The following TMEM132D variants were observed in gnomAD, a reference collection of about 807,000 sequenced individuals.
TMEM132D encodes the protein mature OL transmembrane protein.
TMEM132D carries 21 observed loss-of-function variants against 62.3 expected under a neutral mutation model. The ratio of observed to expected loss-of-function variants is 0.34; its 90% CI spans 0.24 to 0.49. TMEM132D has a LOEUF of 0.49. Among genes scored for constraint, TMEM132D ranks in the 20% least tolerant of loss-of-function variants. TMEM132D has a pLI of 0.99. For synonymous variants in TMEM132D, 621 were observed against 575.6 expected (o/e 1.08, Z -1.13); for missense variants, 1,346 against 1,402.8 (o/e 0.96, Z 0.65).
chr12:129,773,093 T>C (rs1042664467), intron 1 of TMEM132D, among the ~76,000 whole-genome samples: 3 of 152,222 alleles, frequency 2.0e-5, no homozygotes, highest in Non-Finnish European at 4.4e-5. Flanking sequence ...CAGCCACTCC[T>C]GGGTATGCAA....
At chr12:129,765,972 C>G (rs1305184935) in intron 1 of TMEM132D, among the ~76,000 whole-genome samples, 1 of 152,184 alleles carries the variant, frequency 6.6e-6, no homozygotes, top group Non-Finnish European at 1.5e-5. Context: ...TAGAACTGCA[C>G]TTCCTGATTT....
chr12:129,741,413 A>G (rs1013205311), intron 1 of TMEM132D, among the ~76,000 whole-genome samples: 11 of 152,222 alleles, frequency 7.2e-5, no homozygotes, highest in Admixed American at 7.2e-4. Flanking sequence ...TGTAGAAGCT[A>G]TTATTATAGA....
At chr12:129,774,924 A>G (rs1211503811) in intron 1 of TMEM132D, among the ~76,000 whole-genome samples, 1 of 152,198 alleles carries the variant, frequency 6.6e-6, no homozygotes. Flanking sequence ...GGAGATGATG[A>G]CAGCACCAAC....
At chr12:129,607,640 T>C (rs995772320) in intron 2 of TMEM132D, among the ~76,000 whole-genome samples, 2 of 152,232 alleles carry the variant, frequency 1.3e-5, no homozygotes, top group South Asian at 2.1e-4. Context: ...AGCCTTTTTC[T>C]GGTGCAGTTA....
intron 3 of TMEM132D, among the ~76,000 whole-genome samples, chr12:129,500,375 C>A (rs1019554183): frequency 6.6e-6 from 1 of 152,190 alleles, no homozygotes; most frequent in African/African-American, 2.4e-5. Flanking sequence ...ATTCACCTGA[C>A]CTCATCTGTA....
At chr12:129,519,209 C>G (rs995425484) in intron 3 of TMEM132D, among the ~76,000 whole-genome samples, 1 of 152,124 alleles carries the variant, frequency 6.6e-6, no homozygotes, top group South Asian at 2.1e-4. Flanking sequence ...CTTTATTTTT[C>G]CTACCCTGGA....
intron 3 of TMEM132D, among the ~76,000 whole-genome samples, chr12:129,487,513 G>T (rs1471973598): frequency 6.6e-6 from 1 of 152,152 alleles, no homozygotes; most frequent in African/African-American, 2.4e-5. Flanking sequence ...GGACGGCAGT[G>T]CCTGGAACTT....
chr12:129,472,908 G>A (rs918238002), intron 3 of TMEM132D, among the ~76,000 whole-genome samples: 2 of 151,164 alleles, frequency 1.3e-5, no homozygotes, highest in Non-Finnish European at 2.9e-5. Flanking sequence ...TTTCACTCTT[G>A]TTGCCCAGCG....
At position 129,903,341 on chromosome 12, in the gene TMEM132D, C is replaced by T; in HGVS notation, c.-2G>A. ...CGTCCCCATCTCAGACGGGCACATCCTGGAGACCCGGAGCGCAGATCCTCC... is the reference window on the plus strand; with the variant it reads ...CGTCCCCATCTCAGACGGGCACATCTTGGAGACCCGGAGCGCAGATCCTCC... On this transcript the variant is annotated 5_prime_UTR_variant, in exon 1 of 9. Transcript: ENST00000422113. This position sits in a 1 kb window ranked among gnomAD's most constrained non-coding sequence, Gnocchi z 6.2. The T allele has an allele frequency of 6.4e-7, 1 of 1,552,064 alleles. No individual in the cohort carries two copies. Among genetic ancestry groups the T allele is most frequent in the South Asian group, 1.2e-5 (1 of 84,086 alleles).
intron 3 of TMEM132D, among the ~76,000 whole-genome samples, chr12:129,444,611 C>G (rs965583258): frequency 6.6e-6 from 1 of 152,162 alleles, no homozygotes; most frequent in Non-Finnish European, 1.5e-5. Context: ...TGCTCTCCCC[C>G]TCCCCACCCT....
rs186991243 is a variant in TMEM132D at position 129,845,992 on chromosome 12, G to A, written c.79+57269C>T. 3.9e-4 allele frequency among the ~76,000 whole-genome samples: 59 copies of A among 152,332 alleles called. 1 individual carries two copies. Among genetic ancestry groups the A allele is most frequent in the African/African-American group, 1.0e-3 (43 of 41,582 alleles). ...GTAGTAACTTCCAGGTCATTGGGTC[G>A]TTGCCATGGAAAGGGGAGGCAGCTT... On this transcript the variant is annotated intron_variant, in intron 1 of 8. Coordinates refer to ENST00000422113, the MANE Select transcript of TMEM132D (RefSeq NM_133448.3).
chr12:129,903,514 G>A lies in TMEM132D; in HGVS notation c.-175C>T, dbSNP rs1249957043. On this transcript the variant is annotated 5_prime_UTR_variant, in exon 1 of 9. Coordinates refer to ENST00000422113, the MANE Select transcript of TMEM132D (RefSeq NM_133448.3). This position sits in a 1 kb window ranked among gnomAD's most constrained non-coding sequence, Gnocchi z 6.2. ...TCCCGCCAGTCCATGGCCAGGCCGG[G>A]AGGCGACGACCGCGCGGGCTCCTGA... The A allele has an allele frequency of 1.4e-5, 9 of 640,612 alleles. No homozygotes were observed. The highest frequency in any genetic ancestry group is 2.2e-5 in the Non-Finnish European group (8 of 371,846). The allele number at this position is 640,612 out of a possible 1,614,324, so 39.7% of individuals were successfully genotyped here.
intron 5 of TMEM132D, among the ~76,000 whole-genome samples, chr12:129,128,355 C>G (rs1161244348): frequency 6.6e-6 from 1 of 152,124 alleles, no homozygotes; most frequent in Admixed American, 6.5e-5. Context: ...TTCCACATGG[C>G]TGGGGAGGCC....
At chr12:129,344,165 C>T (rs913658190) in intron 3 of TMEM132D, among the ~76,000 whole-genome samples, 2 of 152,158 alleles carry the variant, frequency 1.3e-5, no homozygotes, top group Non-Finnish European at 2.9e-5. Context: ...TTGCTTTGCA[C>T]TGTGGACTCG....
At chr12:129,457,594 T>C (rs906074042) in intron 3 of TMEM132D, among the ~76,000 whole-genome samples, 2 of 151,758 alleles carry the variant, frequency 1.3e-5, no homozygotes, top group Non-Finnish European at 2.9e-5. Flanking sequence ...AGTATAATAA[T>C]AATAATAAAG....
chr12:129,204,413 T>C (rs147887509), intron 5 of TMEM132D, among the ~76,000 whole-genome samples: 32 of 152,266 alleles, frequency 2.1e-4, no homozygotes, highest in African/African-American at 6.7e-4. Flanking sequence ...TAGACCTAGC[T>C]GAAGAAATCT....
intron 2 of TMEM132D, among the ~76,000 whole-genome samples, chr12:129,597,587 T>A (rs761722965): frequency 6.6e-6 from 1 of 152,140 alleles, no homozygotes; most frequent in Non-Finnish European, 1.5e-5. Context: ...TATAAGCATG[T>A]TCCCTCAGGC....
intron 2 of TMEM132D, among the ~76,000 whole-genome samples, chr12:129,541,362 T>A (rs1171639409): frequency 1.3e-5 from 2 of 152,168 alleles, no homozygotes; most frequent in Admixed American, 6.5e-5. Context: ...AGGATGTTAT[T>A]TAAATATTTT....
chr12:129,502,420 C>G (rs929875604), intron 3 of TMEM132D, among the ~76,000 whole-genome samples: 14 of 152,170 alleles, frequency 9.2e-5, no homozygotes, highest in African/African-American at 2.9e-4. Context: ...AGAACTGCAG[C>G]ATGCTGTATA....
Sources: allele counts gnomAD v4.1 joint callset (sites outside exome capture counted in the v4.1 genomes callset), GRCh38; gene constraint gnomAD v4.1.1; non-coding constraint Gnocchi (gnomAD v3.1); transcripts MANE v1.5; gene names NCBI Gene and HGNC (gene_info 2026-07-23, HGNC 2026-07-21).